Variants in DOCK8 observed in about 807,000 individuals in gnomAD.
The protein encoded by DOCK8 is dedicator of cytokinesis 8, also known as dedicator of cytokinesis protein 8.
In DOCK8, 141 loss-of-function variants were observed where a neutral mutation model predicts 245.6. The observed-to-expected ratio is 0.57, with a 90% CI of 0.50 to 0.66. The LOEUF is 0.66. Among genes scored for constraint, DOCK8 ranks in the 30% least tolerant of loss-of-function variants. DOCK8 has a pLI of 0.00. For missense variants in DOCK8, 2,965 were observed against 2,603.4 expected (o/e 1.14, Z -3.02); for synonymous variants, 1,168 against 970.2 (o/e 1.20, Z -3.79).
intron 14 of DOCK8, among the ~76,000 whole-genome samples, chr9:353,278 TG>T (rs35325646): frequency 0.75 from 114,178 of 152,062 alleles, 44,493 homozygotes; most frequent in South Asian, 0.88. Context: ...TAGAGGCAGC[TG>T]GGGGCATCTG....
intron 7 of DOCK8, among the ~76,000 whole-genome samples, chr9:318,151 A>G (rs1297812517): frequency 3.3e-5 from 5 of 152,212 alleles, no homozygotes; most frequent in Non-Finnish European, 7.3e-5. Flanking sequence ...GAGTGCCTCC[A>G]TACCTCTCTT....
intron 14 of DOCK8, 89 bp downstream of exon 14, chr9:340,410 C>T (rs2051526547): frequency 5.2e-6 from 8 of 1,548,292 alleles, no homozygotes; most frequent in Non-Finnish European, 4.4e-6. Context: ...TGCTTGAGCT[C>T]AGGAGTTTGA....
At chr9:387,749 A>G (rs1339381415) in intron 23 of DOCK8, among the ~76,000 whole-genome samples, 3 of 152,254 alleles carry the variant, frequency 2.0e-5, no homozygotes, top group Non-Finnish European at 2.9e-5. Flanking sequence ...CACTTGCTCT[A>G]AAATTTAATA....
In DOCK8 at chr9:403,892, C is replaced by CTCTA. The variant is rs1362630372; in HGVS notation, c.3235-1025_3235-1024insCTAT. Among the ~76,000 whole-genome samples the CTCTA allele has an allele frequency of 5.3e-3, 390 of 73,672 alleles. 4 individuals carry two copies. The highest frequency in any genetic ancestry group is 9.2e-3 in the African/African-American group (119 of 12,922). 48.3% of individuals were successfully genotyped at this position (73,672 alleles called of 152,430 possible). On this transcript the variant is annotated intron_variant, in intron 26 of 47. Coordinates refer to ENST00000432829, the MANE Select transcript of DOCK8 (RefSeq NM_203447.4). ...TCTCTCTCTCTCTCTCTCTCTCTCT[C>CTCTA]TATATATATATATATATATATATAC... is the stretch of plus-strand genomic sequence containing the variant.
intron 46 of DOCK8, chr9:454,164 G>A (rs534660724): frequency 3.9e-5 from 6 of 152,342 alleles, no homozygotes; most frequent in Admixed American, 6.5e-5. Context: ...GACTATATAC[G>A]TGGAAGAAAG....
chr9:451,863 ATG>A (rs1255233420), intron 45 of DOCK8, 146 bp from the exon 46 acceptor site: 8 of 241,244 alleles, frequency 3.3e-5, no homozygotes, highest in Admixed American at 7.6e-5. Flanking sequence ...ATTCATATAT[ATG>A]TGTGTGTATA....
At chr9:245,748 T>A (rs1247492223) in intron 1 of DOCK8, among the ~76,000 whole-genome samples, 1 of 152,186 alleles carries the variant, frequency 6.6e-6, no homozygotes, top group Non-Finnish European at 1.5e-5. Context: ...AGGTACTTTC[T>A]CAGATACCCT....
intron 9 of DOCK8, among the ~76,000 whole-genome samples, chr9:329,286 G>T (rs1472394622): frequency 6.6e-6 from 1 of 152,010 alleles, no homozygotes; most frequent in Middle Eastern, 3.2e-3. Flanking sequence ...AACAAATTCA[G>T]GTGTCTGATT....
intron 45 of DOCK8, among the ~76,000 whole-genome samples, chr9:450,331 C>A (rs1029885611): frequency 8.5e-5 from 13 of 152,186 alleles, no homozygotes; most frequent in Non-Finnish European, 1.5e-4. Context: ...GGAAAAGGAT[C>A]TAGAACATCC....
At chr9:446,087 C>T (rs1159696356) in intron 43 of DOCK8, among the ~76,000 whole-genome samples, 1 of 152,250 alleles carries the variant, frequency 6.6e-6, no homozygotes, top group African/African-American at 2.4e-5. Context: ...AACTCTCATA[C>T]CAAGGCTTCC....
At chr9:280,752 A>G (rs191776813) in intron 2 of DOCK8, 4 of 152,350 alleles carry the variant, frequency 2.6e-5, no homozygotes, top group East Asian at 3.9e-4. Context: ...ATGTGTGTGT[A>G]TGCTACAAAA....
At chr9:348,326 G>A (rs1021141875) in intron 14 of DOCK8, among the ~76,000 whole-genome samples, 6 of 152,210 alleles carry the variant, frequency 3.9e-5, no homozygotes, top group African/African-American at 1.2e-4. Context: ...AGGCAGGTAG[G>A]AGTAAGGAGG....
At chr9:420,676 C>T in intron 31 of DOCK8, 93 bp downstream of exon 31, 1 of 1,501,204 alleles carries the variant, frequency 6.7e-7, no homozygotes, top group Non-Finnish European at 9.3e-7. Flanking sequence ...GCCATGGAGG[C>T]ATCATTAATT....
chr9:220,786 T>C (rs1362147916), intron 1 of DOCK8: 2 of 378,126 alleles, frequency 5.3e-6, no homozygotes, highest in African/African-American at 4.5e-5. Flanking sequence ...AGTGGGGCCA[T>C]CTCGGCTCAC....
At position 439,331 on chromosome 9, in the gene DOCK8, C is replaced by G; in HGVS notation, c.5166C>G (p.Tyr1722Ter). 1 of 1,614,168 alleles carries G rather than the reference C, an allele frequency of 6.2e-7. No individual in the cohort carries two copies. The highest frequency in any genetic ancestry group is 8.5e-7 in the Non-Finnish European group (1 of 1,180,032). Residue 1722 changes from tyrosine to a stop codon, truncating the protein, a stop_gained, in exon 40 of 48, where the codon TAC (tyrosine) becomes TAG (stop). Transcript: ENST00000432829. LOFTEE classifies it high-confidence loss of function. ...AGGATGGGGTGTGCGCAGGCCAGTA[C>G]TTCACCGAGAGTGGCCTGGTAGGCC... ...PDEDGVCAGQYFTESGLVGLL... is the reference protein window; with the variant it reads ...PDEDGVCAGQ
chr9:291,415 T>C (rs1159263771), intron 4 of DOCK8, among the ~76,000 whole-genome samples: 1 of 152,196 alleles, frequency 6.6e-6, no homozygotes, highest in South Asian at 2.1e-4. Flanking sequence ...GTCCTTTGAA[T>C]AGTGTTGGGT....
At chr9:422,765 A>G (rs1258567318) in intron 33 of DOCK8, among the ~76,000 whole-genome samples, 1 of 152,142 alleles carries the variant, frequency 6.6e-6, no homozygotes. Context: ...CCGGTGGAAC[A>G]CCTGAGGTCA....
At chr9:262,050 C>T (rs192496489) in intron 1 of DOCK8, among the ~76,000 whole-genome samples, 2 of 130,264 alleles carry the variant, frequency 1.5e-5, no homozygotes, top group Non-Finnish European at 3.5e-5. Flanking sequence ...CGCGATTTAC[C>T]TATGTTACAA....
chr9:316,515 T>C (rs7024448), intron 6 of DOCK8, among the ~76,000 whole-genome samples: 48,202 of 152,068 alleles, frequency 0.32, 8,495 homozygotes, highest in African/African-American at 0.47. Flanking sequence ...AACTTGTCAA[T>C]TCAACCCCAA....
Sources: gnomAD v4.1 joint callset for allele counts (sites outside exome capture counted in the v4.1 genomes callset) on GRCh38, gnomAD v4.1.1 for gene constraint, MANE v1.5 for transcripts, NCBI Gene and HGNC (gene_info 2026-07-23, HGNC 2026-07-21) for gene names.